Variants in ANKS1B observed in about 807,000 individuals in gnomAD.
ANKS1B encodes ankyrin repeat and sterile alpha motif domain-containing protein 1B.
Under a neutral mutation model 148.3 loss-of-function variants are expected in ANKS1B, and 36 were observed. The ratio of observed to expected loss-of-function variants is 0.24; its 90% confidence interval spans 0.19 to 0.32. The LOEUF is 0.32. Among genes scored for constraint, ANKS1B ranks in the 10% least tolerant of loss-of-function variants. The pLI is 1.00. For synonymous variants in ANKS1B, 542 were observed against 560.8 expected (o/e 0.97, Z 0.47); for missense variants, 1,157 against 1,542.6 (o/e 0.75, Z 4.19).
chr12:99,102,939 G>A (rs1566086952), intron 15 of ANKS1B, among the ~76,000 whole-genome samples: 3 of 151,758 alleles, frequency 2.0e-5, no homozygotes, highest in African/African-American at 2.4e-5. Context: ...AAAACATAAC[G>A]CTCAGAGCAG....
chr12:99,614,221 G>A (rs554567990), intron 9 of ANKS1B, among the ~76,000 whole-genome samples: 23 of 152,090 alleles, frequency 1.5e-4, no homozygotes, highest in African/African-American at 5.1e-4. Context: ...GATCACCTGA[G>A]GCTGAGAGTT....
At chr12:99,534,448 C>A (rs1178368649) in intron 9 of ANKS1B, among the ~76,000 whole-genome samples, 2 of 152,108 alleles carry the variant, frequency 1.3e-5, no homozygotes, top group Non-Finnish European at 2.9e-5. Flanking sequence ...AATGATGAAT[C>A]CATATGCTGA....
intron 14 of ANKS1B, among the ~76,000 whole-genome samples, chr12:99,184,954 T>C (rs2079616199): frequency 1.3e-5 from 2 of 152,244 alleles, no homozygotes; most frequent in African/African-American, 2.4e-5. Context: ...TCATCACATA[T>C]ACATCCTATA....
At chr12:99,392,944 C>T (rs1180911185) in intron 12 of ANKS1B, among the ~76,000 whole-genome samples, 2 of 152,092 alleles carry the variant, frequency 1.3e-5, no homozygotes, top group East Asian at 1.9e-4. Flanking sequence ...TGAGATTTCC[C>T]CATCTCCACT....
intron 12 of ANKS1B, among the ~76,000 whole-genome samples, chr12:99,276,681 G>A (rs575186146): frequency 6.6e-6 from 1 of 152,296 alleles, no homozygotes; most frequent in South Asian, 2.1e-4. Context: ...GGCAGCCCTA[G>A]TAAAAGTATA....
intron 16 of ANKS1B, among the ~76,000 whole-genome samples, chr12:99,068,488 A>C (rs1209460858): frequency 6.6e-6 from 1 of 152,194 alleles, no homozygotes; most frequent in Non-Finnish European, 1.5e-5. Flanking sequence ...TTCATCACTG[A>C]CCCAAATGTT....
At chr12:99,086,053 G>T (rs183574061) in intron 15 of ANKS1B, among the ~76,000 whole-genome samples, 1 of 152,120 alleles carries the variant, frequency 6.6e-6, no homozygotes, top group Non-Finnish European at 1.5e-5. Context: ...ACCAGATCAC[G>T]ATATGAAGAT....
chr12:99,586,198 T>C (rs1481473345), intron 9 of ANKS1B, among the ~76,000 whole-genome samples: 2 of 152,188 alleles, frequency 1.3e-5, no homozygotes, highest in East Asian at 3.9e-4. Context: ...AGTCACCTCT[T>C]GAACAGTTTG....
chr12:98,958,940 GTGA>G (rs998951984), intron 17 of ANKS1B, among the ~76,000 whole-genome samples: 3 of 152,074 alleles, frequency 2.0e-5, no homozygotes, highest in African/African-American at 7.2e-5. Flanking sequence ...GCTTTATTAG[GTGA>G]TGATTATAAG....
intron 8 of ANKS1B, among the ~76,000 whole-genome samples, chr12:99,766,607 TAGG>T (rs2062669449): frequency 6.6e-6 from 1 of 152,282 alleles, no homozygotes; most frequent in Non-Finnish European, 1.5e-5. Flanking sequence ...CAAAACCTGT[TAGG>T]AGATTTCCAA....
intron 8 of ANKS1B, among the ~76,000 whole-genome samples, chr12:99,740,934 C>T (rs778607598): frequency 6.6e-6 from 1 of 152,102 alleles, no homozygotes; most frequent in Non-Finnish European, 1.5e-5. Flanking sequence ...AGTGCCTATG[C>T]CACCAGGGCC....
At chr12:99,536,839 A>G (rs1239213143) in intron 9 of ANKS1B, among the ~76,000 whole-genome samples, 1 of 152,086 alleles carries the variant, frequency 6.6e-6, no homozygotes, top group African/African-American at 2.4e-5. Flanking sequence ...TGTGCTATCA[A>G]ATAGGTCTTA....
intron 25 of ANKS1B, among the ~76,000 whole-genome samples, chr12:98,769,165 C>CT (rs1182264550): frequency 0.098 from 4,051 of 41,148 alleles, 954 homozygotes; most frequent in East Asian, 0.38. Flanking sequence ...GTCTTCTTTA[C>CT]TTTTTTTTTT....
intron 12 of ANKS1B, among the ~76,000 whole-genome samples, chr12:99,396,266 T>C (rs535889199): frequency 2.6e-5 from 4 of 152,308 alleles, no homozygotes; most frequent in East Asian, 1.9e-4. Context: ...AAATCAGTGA[T>C]GGAACTGACT....
chr12:99,163,189 A>G (rs2076852121), intron 14 of ANKS1B, among the ~76,000 whole-genome samples: 3 of 152,052 alleles, frequency 2.0e-5, no homozygotes, highest in African/African-American at 7.2e-5. Context: ...CATAATGTGG[A>G]TAAACCACAG....
At chr12:99,475,054 T>C (rs1479965157) in intron 10 of ANKS1B, among the ~76,000 whole-genome samples, 3 of 151,022 alleles carry the variant, frequency 2.0e-5, no homozygotes, top group African/African-American at 7.3e-5. Flanking sequence ...CTGGCCAACA[T>C]GGTGAAATGC....
chr12:99,431,331 T>C (rs2095367239), intron 11 of ANKS1B, among the ~76,000 whole-genome samples: 1 of 152,100 alleles, frequency 6.6e-6, no homozygotes, highest in Non-Finnish European at 1.5e-5. Context: ...TGTAACATCA[T>C]AAATAAATGG....
chr12:99,902,273 T>G (rs2093626239), intron 1 of ANKS1B, among the ~76,000 whole-genome samples: 2 of 152,054 alleles, frequency 1.3e-5, no homozygotes, highest in South Asian at 4.1e-4. Context: ...GGAAGATCAT[T>G]CCAGGAAGAG....
At position 98,814,633 on chromosome 12, in the gene ANKS1B, T is replaced by C. The variant is rs1035737986; in HGVS notation, c.3067-6715A>G. Among the ~76,000 whole-genome samples the C allele has an allele frequency of 4.6e-5, 7 of 152,332 alleles. 1 individual carries two copies. Among genetic ancestry groups the C allele is most frequent in the East Asian group, 1.9e-4 (1 of 5,186 alleles). ...TACCTAGGTGTCAAAAGGCTGCTTG[T>C]AGAGCTTAGAAACAGTTCCATGAAA... On this transcript the variant is annotated intron_variant, in intron 19 of 26. Coordinates refer to ENST00000683438, the MANE Select transcript of ANKS1B (RefSeq NM_001352186.2).
Sources: allele counts gnomAD v4.1 joint callset (sites outside exome capture counted in the v4.1 genomes callset), GRCh38; gene constraint gnomAD v4.1.1; transcripts MANE v1.5; gene names NCBI Gene and HGNC (gene_info 2026-07-23, HGNC 2026-07-21).